FBXO34: variants seen among roughly 807,000 people sequenced by gnomAD.
FBXO34 encodes the protein F-box only protein 34.
Under a neutral mutation model 24.5 loss-of-function variants are expected in FBXO34, and 12 were observed. That is an observed-to-expected ratio of 0.49 (90% confidence interval 0.31 to 0.79). The LOEUF (loss-of-function observed/expected upper bound fraction) is 0.79, where lower values mean the gene tolerates loss of function less well. Ranked by LOEUF, FBXO34 falls within the 30% of genes least tolerant of loss-of-function variation. The pLI is 0.04. For synonymous variants in FBXO34, 320 were observed against 311.9 expected (o/e 1.03, Z -0.27); for missense variants, 823 against 857.7 (o/e 0.96, Z 0.51).
chr14:55,352,004 G>A lies in FBXO34; in HGVS notation c.1614G>A (p.Val538=), dbSNP rs144929813. ...CATTTGTACTGCCAGCCTCTTCTGT[G>A]GAAAGTACATTACCAGTGCTTGAGG... ...AEPFVLPASS[V]ESTLPVLEAS... is the part of the protein sequence containing the mutation. The change falls in exon 2 of 2, where the codon GTG becomes GTA. Residue 538 remains valine, a synonymous_variant. Transcript: ENST00000313833. 1.4e-5 allele frequency: 22 copies of A among 1,614,028 alleles called. No homozygotes were observed. The highest frequency in any genetic ancestry group is 1.9e-5 in the Non-Finnish European group (22 of 1,180,032).
At chr14:55,426,118 T>A in the FBXO34 span, among the ~76,000 whole-genome samples, 5 of 151,734 alleles carry the variant, frequency 3.3e-5, no homozygotes. Context: ...AATACAAAAA[T>A]TAGCCGGGTG....
Position 55,351,492 on chromosome 14 carries a change from G to A in FBXO34, c.1102G>A (p.Gly368Ser), listed in dbSNP as rs755872113. ...TCCTAAGGAGGACCAGGCCTGGGAC[G>A]GTGCTTCTCAGGACTGCCCCCCATT... is the stretch of plus-strand genomic sequence containing the variant. ...CSPKEDQAWD[G>S]ASQDCPPLPA... The change falls in exon 2 of 2, where the codon GGT (glycine) becomes AGT (serine). Residue 368 changes from glycine (G) to serine (S), a missense_variant. By Grantham distance (56) the Gly-to-Ser change is moderately conservative. This residue lies in a region of FBXO34 where 693 missense variants were observed against 659.1 expected (regional missense o/e 1.05). Transcript: ENST00000313833. 8 of 1,614,004 alleles carry A rather than the reference G, an allele frequency of 5.0e-6. No homozygotes were observed. The highest frequency in any genetic ancestry group is 6.8e-6 in the Non-Finnish European group (8 of 1,180,026).
chr14:55,298,751 C>A, intron 1 of FBXO34: 1 of 1,571,898 alleles, frequency 6.4e-7, no homozygotes, highest in Non-Finnish European at 8.7e-7. Flanking sequence ...AACAGGAGTT[C>A]CTGGAGAAGA....
intron 1 of FBXO34, among the ~76,000 whole-genome samples, chr14:55,330,605 G>C (rs536612621): frequency 6.6e-6 from 1 of 152,024 alleles, no homozygotes; most frequent in South Asian, 2.1e-4. Context: ...GTAACATAGT[G>C]AGACATCTCT....
chr14:55,312,547 G>A (rs1882781928), intron 1 of FBXO34, among the ~76,000 whole-genome samples: 1 of 152,318 alleles, frequency 6.6e-6, no homozygotes, highest in East Asian at 1.9e-4. Context: ...TTCTCCATGA[G>A]GGCTCCACCC....
chr14:55,376,553 C>T, the FBXO34 span, among the ~76,000 whole-genome samples: 6 of 152,084 alleles, frequency 3.9e-5, no homozygotes, highest in African/African-American at 1.2e-4. Flanking sequence ...GAAATGTTAA[C>T]TATCTGAGGT....
At chr14:55,338,922 AAAAAAAAAAAAGCCAAAAAAAACCCCCC>A (rs1316850542) in intron 1 of FBXO34, among the ~76,000 whole-genome samples, 2 of 66,664 alleles carry the variant, frequency 3.0e-5, no homozygotes, top group African/African-American at 9.3e-5. Flanking sequence ...AAAAAAAAAC[AAAAAAAAAAAAGCCAAAAAAAACCCCCC>A]AAAAAAACCA....
the FBXO34 span, chr14:55,391,067 G>T: frequency 1.0e-6 from 1 of 966,440 alleles, no homozygotes; most frequent in Non-Finnish European, 1.6e-6. Context: ...TGGGATCACT[G>T]CTTATTTTCA....
At chr14:55,439,993 G>C in the FBXO34 span, among the ~76,000 whole-genome samples, 2 of 147,246 alleles carry the variant, frequency 1.4e-5, no homozygotes, top group African/African-American at 2.5e-5. Context: ...CCAGCTACAC[G>C]GGAGGCTGAG....
At chr14:55,334,770 G>A (rs1286991325) in intron 1 of FBXO34, among the ~76,000 whole-genome samples, 1 of 152,208 alleles carries the variant, frequency 6.6e-6, no homozygotes. Flanking sequence ...ACTTATGTAT[G>A]TGCTTTGGTA....
the FBXO34 span, among the ~76,000 whole-genome samples, chr14:55,394,040 T>C: frequency 6.7e-6 from 1 of 149,820 alleles, no homozygotes; most frequent in Non-Finnish European, 1.5e-5. Flanking sequence ...GGAGTGTTGC[T>C]CTGTCGCCCA....
chr14:55,304,435 C>A (rs116036827), intron 1 of FBXO34, among the ~76,000 whole-genome samples: 1 of 152,026 alleles, frequency 6.6e-6, no homozygotes, highest in Non-Finnish European at 1.5e-5. Flanking sequence ...CTCAAGCAGT[C>A]CTCCCTCTTC....
chr14:55,332,256 G>C (rs1261572099), intron 1 of FBXO34, among the ~76,000 whole-genome samples: 5 of 151,892 alleles, frequency 3.3e-5, no homozygotes, highest in African/African-American at 9.7e-5. Context: ...TAAATCGTTA[G>C]TAAATGCACG....
intron 1 of FBXO34, among the ~76,000 whole-genome samples, chr14:55,312,562 G>A (rs1882782820): frequency 6.6e-6 from 1 of 152,232 alleles, no homozygotes; most frequent in Non-Finnish European, 1.5e-5. Flanking sequence ...CCACCCTGCA[G>A]CAAACTTCTG....
At chr14:55,280,351 T>G (rs1013103319) in intron 1 of FBXO34, among the ~76,000 whole-genome samples, 1 of 152,026 alleles carries the variant, frequency 6.6e-6, no homozygotes, top group Non-Finnish European at 1.5e-5. Flanking sequence ...GGAAAAAAAA[T>G]TACATCTGTA....
chr14:55,277,148 T>C (rs1881370931), intron 1 of FBXO34, among the ~76,000 whole-genome samples: 1 of 152,248 alleles, frequency 6.6e-6, no homozygotes, highest in African/African-American at 2.4e-5. Context: ...CTGCACCTTC[T>C]AGGTTAATTT....
intron 1 of FBXO34, among the ~76,000 whole-genome samples, chr14:55,347,302 G>C (rs1245187467): frequency 6.6e-6 from 1 of 152,172 alleles, no homozygotes; most frequent in Non-Finnish European, 1.5e-5. Flanking sequence ...GTTGTAATCT[G>C]TTGGAGATTT....
downstream of FBXO34, chr14:55,366,380 C>T (rs140876174): frequency 6.5e-6 from 1 of 152,720 alleles, no homozygotes; most frequent in Non-Finnish European, 1.5e-5. Context: ...AAGACATACA[C>T]ATGAGCAAAG....
the FBXO34 span, chr14:55,414,457 T>C: frequency 1.3e-6 from 2 of 1,594,696 alleles, no homozygotes. Flanking sequence ...CTTTGGCACC[T>C]ATAAAGAAAT....
Sources: allele counts gnomAD v4.1 joint callset (sites outside exome capture counted in the v4.1 genomes callset), GRCh38; gene constraint gnomAD v4.1.1; regional missense constraint gnomAD v4.1.1; transcripts MANE v1.5; gene names NCBI Gene and HGNC (gene_info 2026-07-23, HGNC 2026-07-21).